The following RALYL variants were observed in gnomAD, a reference collection of about 807,000 sequenced individuals.
The protein encoded by RALYL is RALY RNA binding protein like, also known as RNA-binding Raly-like protein.
A neutral mutation model predicts 35.1 loss-of-function variants in RALYL; 29 were observed. The observed-to-expected ratio is 0.83, with a 90% CI of 0.61 to 1.13. RALYL has a LOEUF of 1.13. Ranked by LOEUF, RALYL falls within the 50% of genes most tolerant of loss-of-function variation. The pLI is 0.00. For missense variants in RALYL, 359 were observed against 360.4 expected, an observed-to-expected ratio of 1.00 and a Z score of 0.03; for synonymous variants, 120 against 127.6, an observed-to-expected ratio of 0.94 and a Z score of 0.40.
rs563037231 is a variant in RALYL at position 84,766,973 on chromosome 8, G to T, written c.257-7606G>T. Among the ~76,000 whole-genome samples, 4 of 152,192 alleles carry T rather than the reference G, an allele frequency of 2.6e-5. No homozygotes were observed. The East Asian group carries it at 7.7e-4, about 29-fold the overall frequency. On this transcript the variant is annotated intron_variant, in intron 2 of 8. Coordinates refer to ENST00000521268, the MANE Select transcript of RALYL (RefSeq NM_173848.7). Reference sequence around the variant, plus strand: ...CCCTTTAGAAGTCCAAAGTCAAAGGGCACCCATACTCAGTGTCATGGAAAT... The same window carrying T: ...CCCTTTAGAAGTCCAAAGTCAAAGGTCACCCATACTCAGTGTCATGGAAAT...
chr8:84,402,671 C>T (rs1024233730), intron 1 of RALYL, among the ~76,000 whole-genome samples: 5 of 152,058 alleles, frequency 3.3e-5, no homozygotes, highest in Admixed American at 2.0e-4. Flanking sequence ...TGAAAATAGA[C>T]CCTTCCAAGA....
chr8:84,333,039 A>G (rs577725975), intron 1 of RALYL, among the ~76,000 whole-genome samples: 1 of 152,330 alleles, frequency 6.6e-6, no homozygotes, highest in South Asian at 2.1e-4. Context: ...GAAATACTCA[A>G]ACATTTTACA....
At chr8:84,755,516 G>A (rs1164346965) in intron 2 of RALYL, among the ~76,000 whole-genome samples, 1 of 152,102 alleles carries the variant, frequency 6.6e-6, no homozygotes, top group Admixed American at 6.6e-5. Flanking sequence ...GTTCAGTCCT[G>A]TGACATCACA....
At chr8:84,717,287 A>G (rs1843098732) in intron 2 of RALYL, among the ~76,000 whole-genome samples, 2 of 152,216 alleles carry the variant, frequency 1.3e-5, no homozygotes, top group South Asian at 4.1e-4. Flanking sequence ...CATTTCTTAT[A>G]TATTAGAAAC....
At chr8:84,393,849 A>T (rs1211954444) in intron 1 of RALYL, among the ~76,000 whole-genome samples, 1 of 152,144 alleles carries the variant, frequency 6.6e-6, no homozygotes, top group African/African-American at 2.4e-5. Context: ...ACAATAATGA[A>T]TATATAGTTC....
intron 1 of RALYL, among the ~76,000 whole-genome samples, chr8:84,388,234 G>A (rs1258309339): frequency 1.3e-5 from 2 of 152,072 alleles, no homozygotes; most frequent in Non-Finnish European, 2.9e-5. Flanking sequence ...TCTTAATCCA[G>A]TCTATCATTG....
intron 1 of RALYL, among the ~76,000 whole-genome samples, chr8:84,422,790 C>T (rs1269923613): frequency 1.4e-5 from 2 of 144,330 alleles, no homozygotes; most frequent in African/African-American, 2.6e-5. Flanking sequence ...TTATTTCTGC[C>T]TTCATTTCGT....
chr8:84,714,458 AGC>A (rs1220032123), intron 2 of RALYL, among the ~76,000 whole-genome samples: 1 of 151,698 alleles, frequency 6.6e-6, no homozygotes, highest in Non-Finnish European at 1.5e-5. Context: ...AAGTTGACTT[AGC>A]CACTCCACAA....
chr8:84,453,573 A>G (rs1002935214), intron 1 of RALYL, among the ~76,000 whole-genome samples: 8 of 152,024 alleles, frequency 5.3e-5, no homozygotes, highest in Non-Finnish European at 1.0e-4. Context: ...ACTCAAAACA[A>G]GAGATTGCAA....
intron 4 of RALYL, among the ~76,000 whole-genome samples, chr8:84,843,321 T>A (rs7818458): frequency 0.05 from 7,647 of 151,952 alleles, 625 homozygotes; most frequent in African/African-American, 0.17. Context: ...TATACACCAA[T>A]AACAGACAAA....
chr8:84,288,387 G>T (rs1466687718), intron 1 of RALYL, among the ~76,000 whole-genome samples: 3 of 152,034 alleles, frequency 2.0e-5, no homozygotes, highest in African/African-American at 7.2e-5. Flanking sequence ...TGTCATCATT[G>T]CCGATTTTCT....
At chr8:84,200,175 A>T (rs952639909) in intron 1 of RALYL, among the ~76,000 whole-genome samples, 3 of 152,186 alleles carry the variant, frequency 2.0e-5, no homozygotes, top group African/African-American at 7.2e-5. Flanking sequence ...TCTAATGGTT[A>T]TCATGAACAG....
chr8:84,385,382 A>G lies in RALYL; in HGVS notation c.-23-143917A>G, dbSNP rs185265459. Among the ~76,000 whole-genome samples the G allele has an allele frequency of 3.8e-3, 571 of 151,986 alleles. 4 individuals carry two copies. The highest frequency in any genetic ancestry group is 0.013 in the African/African-American group (543 of 41,522). On this transcript the variant is annotated intron_variant, in intron 1 of 8. Transcript: ENST00000521268. The stretch of plus-strand genomic sequence containing the variant: ...TTTTCAAAAGAAGTTCTTAAAAACC[A>G]TCTAATTATATAAGACAAAAGATTA...
In RALYL at chr8:84,907,374, T is replaced by A. The variant is rs191660847; in HGVS notation, c.859-13520T>A. The stretch of plus-strand genomic sequence containing the variant: ...CACAGTGAAAAACTGAGAGGATTTT[T>A]ATTTTATTCCAAGTCAGGAAGAAAC... On this transcript the variant is annotated intron_variant, in intron 8 of 8. Coordinates refer to ENST00000521268, the MANE Select transcript of RALYL (RefSeq NM_173848.7). 2.2e-3 allele frequency among the ~76,000 whole-genome samples: 332 copies of A among 152,068 alleles called. 1 individual carries two copies. Among genetic ancestry groups the A allele is most frequent in the Non-Finnish European group, 2.9e-3 (200 of 67,976 alleles).
chr8:84,408,653 G>A (rs1214511781), intron 1 of RALYL, among the ~76,000 whole-genome samples: 1 of 152,116 alleles, frequency 6.6e-6, no homozygotes, highest in African/African-American at 2.4e-5. Context: ...CAACAGCTGG[G>A]TTCCTGAATG....
At chr8:84,775,372 G>T (rs923668344) in intron 3 of RALYL, among the ~76,000 whole-genome samples, 1 of 152,128 alleles carries the variant, frequency 6.6e-6, no homozygotes, top group Non-Finnish European at 1.5e-5. Flanking sequence ...TGCAGCTCAG[G>T]AACCTGAGAT....
chr8:84,722,616 T>TA (rs199909456), intron 2 of RALYL, among the ~76,000 whole-genome samples: 24,738 of 110,356 alleles, frequency 0.22, 3,965 homozygotes, highest in African/African-American at 0.42. Flanking sequence ...CTAGAGTGAT[T>TA]TTATATATAT....
At chr8:84,863,688 T>C (rs895387291) in intron 6 of RALYL, among the ~76,000 whole-genome samples, 1 of 152,170 alleles carries the variant, frequency 6.6e-6, no homozygotes, top group African/African-American at 2.4e-5. Flanking sequence ...AAACACTTTG[T>C]TTTTACAAAA....
intron 2 of RALYL, among the ~76,000 whole-genome samples, chr8:84,574,320 T>C (rs546517336): frequency 6.6e-6 from 1 of 152,206 alleles, no homozygotes; most frequent in Non-Finnish European, 1.5e-5. Context: ...CTCACCTTTA[T>C]AGCTCCCACA....
Sources: allele counts gnomAD v4.1 joint callset (sites outside exome capture counted in the v4.1 genomes callset), GRCh38; gene constraint gnomAD v4.1.1; transcripts MANE v1.5; gene names NCBI Gene and HGNC (gene_info 2026-07-23, HGNC 2026-07-21).